Variants in AVEN observed in about 807,000 individuals in gnomAD.
AVEN encodes apoptosis and caspase activation inhibitor.
AVEN carries 41 observed loss-of-function variants against 38.1 expected under a neutral mutation model. The observed-to-expected ratio is 1.08, with a 90% CI of 0.84 to 1.40. The LOEUF (loss-of-function observed/expected upper bound fraction) is 1.40, where lower values mean the gene tolerates loss of function less well. Ranked by LOEUF, AVEN falls within the 40% of genes most tolerant of loss-of-function variation. The pLI, the probability that AVEN is intolerant of heterozygous loss-of-function variation, is 0.00. For synonymous variants in AVEN, 206 were observed against 171.8 expected (o/e 1.20, Z -1.56); for missense variants, 605 against 438.8 (o/e 1.38, Z -3.38).
chr15:33,983,007 C>A (rs1479595538), intron 2 of AVEN, among the ~76,000 whole-genome samples: 2 of 151,636 alleles, frequency 1.3e-5, no homozygotes, highest in Non-Finnish European at 2.9e-5. Context: ...CTGCATGGAC[C>A]ATGACTGTCT....
chr15:33,865,436 T>C, downstream of AVEN: 1 of 507,300 alleles, frequency 2.0e-6, no homozygotes, highest in South Asian at 3.2e-5. Flanking sequence ...TGTCAAAATG[T>C]CGAAGAAGGA....
At chr15:33,857,940 AGCCCACCCACTGCGGGG>A (rs2079871013), downstream of AVEN, 1 of 1,569,270 alleles carries the variant, frequency 6.4e-7, no homozygotes, top group African/African-American at 2.1e-5. Context: ...CTGCGGGGCC[AGCCCACCCACTGCGGGG>A]CCACCCCGCC....
At chr15:33,924,597 T>C (rs1171120043) in intron 2 of AVEN, among the ~76,000 whole-genome samples, 1 of 152,206 alleles carries the variant, frequency 6.6e-6, no homozygotes, top group African/African-American at 2.4e-5. Flanking sequence ...GCTGGGATTA[T>C]AGGCGTGAGC....
intron 2 of AVEN, chr15:33,883,790 T>C (rs1296909978): frequency 6.6e-6 from 1 of 152,106 alleles, no homozygotes. Context: ...TGGAAGAAAA[T>C]CTAGAGAAAA....
intron 2 of AVEN, among the ~76,000 whole-genome samples, chr15:33,888,879 G>C (rs1024536369): frequency 6.6e-5 from 10 of 152,018 alleles, no homozygotes; most frequent in African/African-American, 2.4e-4. Flanking sequence ...GCCTCCCCAA[G>C]TAGCTAGGAC....
chr15:33,956,741 A>T (rs898124799), intron 2 of AVEN, among the ~76,000 whole-genome samples: 7 of 152,218 alleles, frequency 4.6e-5, no homozygotes, highest in Non-Finnish European at 1.0e-4. Context: ...CTATTCTGAC[A>T]TTAGAAAAGA....
chr15:33,866,847 C>T, intron 5 of AVEN, 119 bp from the exon 6 acceptor site: 1 of 710,342 alleles, frequency 1.4e-6, no homozygotes, highest in Non-Finnish European at 2.4e-6. Flanking sequence ...TTCTTACTCC[C>T]TAAGATGATA....
At chr15:33,868,473 A>C (rs188112805) in intron 4 of AVEN, among the ~76,000 whole-genome samples, 1,607 of 139,016 alleles carry the variant, frequency 0.012, 12 homozygotes, top group Non-Finnish European at 0.017. Context: ...TGAACCTGGG[A>C]GGCGGAGCTT....
chr15:33,940,067 A>G (rs1894254626), intron 2 of AVEN, among the ~76,000 whole-genome samples: 1 of 152,250 alleles, frequency 6.6e-6, no homozygotes, highest in Non-Finnish European at 1.5e-5. Flanking sequence ...GGCCCTCAGC[A>G]GGAGGAATCT....
intron 2 of AVEN, among the ~76,000 whole-genome samples, chr15:33,931,349 C>CTTTTTTTTTTTTTTTT (rs71119903): frequency 3.4e-5 from 3 of 89,270 alleles, no homozygotes; most frequent in African/African-American, 1.5e-4. Context: ...TGAATATTTT[C>CTTTTTTTTTTTTTTTT]TTTTTTTTTT....
At chr15:33,882,777 G>A (rs1219868791) in intron 2 of AVEN, among the ~76,000 whole-genome samples, 3 of 152,082 alleles carry the variant, frequency 2.0e-5, no homozygotes, top group Non-Finnish European at 2.9e-5. Flanking sequence ...GGAGGCTGAG[G>A]TGGGAGATTG....
intron 3 of AVEN, 142 bp from the exon 4 acceptor site, chr15:33,871,172 G>C (rs1281406693): frequency 4.4e-6 from 2 of 455,446 alleles, no homozygotes; most frequent in Non-Finnish European, 7.2e-6. Flanking sequence ...ATGTGTTAGA[G>C]TTTCTGCATC....
chr15:33,885,868 C>A (rs1203725222), intron 2 of AVEN: 18 of 152,178 alleles, frequency 1.2e-4, no homozygotes, highest in Admixed American at 1.1e-3. Flanking sequence ...ATTCTGTTAA[C>A]CCTGTACCAC....
intron 5 of AVEN, among the ~76,000 whole-genome samples, chr15:34,049,371 T>C (rs1899846272): frequency 6.6e-6 from 1 of 152,170 alleles, no homozygotes; most frequent in South Asian, 2.1e-4. Flanking sequence ...ACAGACCTAA[T>C]GGTGCTGAAA....
intron 2 of AVEN, among the ~76,000 whole-genome samples, chr15:33,880,714 A>G (rs953936397): frequency 2.0e-5 from 3 of 152,334 alleles, no homozygotes; most frequent in East Asian, 1.9e-4. Flanking sequence ...AGGCCTACCA[A>G]AAGATGAGAC....
chr15:34,006,082 A>T (rs532493987), intron 1 of AVEN, among the ~76,000 whole-genome samples: 2 of 152,140 alleles, frequency 1.3e-5, no homozygotes, highest in Non-Finnish European at 2.9e-5. Flanking sequence ...GAGGCCGAGG[A>T]GGGCAGATCA....
At chr15:33,953,170 A>G (rs1894817699) in intron 2 of AVEN, among the ~76,000 whole-genome samples, 1 of 152,166 alleles carries the variant, frequency 6.6e-6, no homozygotes, top group Non-Finnish European at 1.5e-5. Context: ...TTCCATGCTC[A>G]TGGATAGGAA....
chr15:33,890,352 G>A (rs1299227240), intron 2 of AVEN, among the ~76,000 whole-genome samples: 1 of 152,168 alleles, frequency 6.6e-6, no homozygotes, highest in Non-Finnish European at 1.5e-5. Flanking sequence ...ACAGTAGGCA[G>A]TTAGTAAATG....
At chr15:34,052,247 C>T (rs1047542899) in intron 5 of AVEN, among the ~76,000 whole-genome samples, 1 of 151,864 alleles carries the variant, frequency 6.6e-6, no homozygotes, top group Admixed American at 6.6e-5. Context: ...AGAAAAAAAA[C>T]CACATGATTA....
Sources: allele counts gnomAD v4.1 joint callset (sites outside exome capture counted in the v4.1 genomes callset), GRCh38; gene constraint gnomAD v4.1.1; transcripts MANE v1.5; gene names NCBI Gene and HGNC (gene_info 2026-07-23, HGNC 2026-07-21).